FAM120A: variants seen among roughly 807,000 people sequenced by gnomAD.
FAM120A encodes family with sequence similarity 120 member A.
FAM120A carries 15 observed loss-of-function variants against 109.7 expected under a neutral mutation model. The observed-to-expected ratio is 0.14, with a 90% CI of 0.09 to 0.21. The LOEUF (loss-of-function observed/expected upper bound fraction) is 0.21. FAM120A is among the 10% of genes least tolerant of loss of function. The pLI is 1.00. For synonymous variants in FAM120A, 493 were observed against 572.8 expected, an observed-to-expected ratio of 0.86 and a Z score of 1.99; for missense variants, 899 against 1,439.3, an observed-to-expected ratio of 0.62 and a Z score of 6.07.
In FAM120A at chr9:93,539,240, G is replaced by A. The variant is rs1282980721; in HGVS notation, c.1910-3982G>A. Among the ~76,000 whole-genome samples, 12 of 151,938 alleles carry A rather than the reference G, an allele frequency of 7.9e-5. No individual in the cohort carries two copies. In the South Asian group the frequency reaches 1.7e-3, roughly 21 times the overall value. On this transcript the variant is annotated intron_variant, in intron 10 of 17. Coordinates refer to ENST00000277165, the MANE Select transcript of FAM120A (RefSeq NM_014612.5). ...TCTCGATCTCCTGACCTCGTGATCC[G>A]CCCACCTCGACCTCCCAAAGTGCTG...
intron 3 of FAM120A, among the ~76,000 whole-genome samples, chr9:93,490,232 A>G (rs904754123): frequency 7.9e-5 from 12 of 152,202 alleles, no homozygotes; most frequent in African/African-American, 1.2e-4. Flanking sequence ...TGCTTCAGCA[A>G]TGGTACTTTG....
chr9:93,510,719 C>T (rs994888554), intron 5 of FAM120A, among the ~76,000 whole-genome samples: 136 of 151,928 alleles, frequency 9.0e-4, no homozygotes, highest in African/African-American at 3.1e-3. Flanking sequence ...CCCCCAGTGT[C>T]GGGATTGTAG....
chr9:93,463,224 TGAG>T (rs1857872388), intron 1 of FAM120A, among the ~76,000 whole-genome samples: 1 of 152,350 alleles, frequency 6.6e-6, no homozygotes, highest in Admixed American at 6.5e-5. Context: ...CTAATGGGTG[TGAG>T]GTATTCAGTG....
At chr9:93,523,444 C>A in intron 7 of FAM120A, 2 of 487,866 alleles carry the variant, frequency 4.1e-6, no homozygotes, top group Non-Finnish European at 6.5e-6. Context: ...TTGTTCCAGA[C>A]AGATATCCAC....
chr9:93,560,853 ATCTGTT>A (rs763952841), intron 15 of FAM120A, among the ~76,000 whole-genome samples: 3 of 152,244 alleles, frequency 2.0e-5, no homozygotes, highest in Non-Finnish European at 4.4e-5. Flanking sequence ...ACTTTATTGT[ATCTGTT>A]TCTATCTAAA....
rs192611391 is a variant in FAM120A at position 93,546,037 on chromosome 9, C to T, written c.2159+2566C>T. ...CTGACCTCAGGTGATCCACCCACCTCGGCCTCCCAAAGTGCTGGGATTACA... is the reference window on the plus strand; with the variant it reads ...CTGACCTCAGGTGATCCACCCACCTTGGCCTCCCAAAGTGCTGGGATTACA... On this transcript the variant is annotated intron_variant, in intron 11 of 17. Transcript: ENST00000277165. 3.0e-3 allele frequency among the ~76,000 whole-genome samples: 459 copies of T among 151,980 alleles called. 2 individuals are homozygous for T. Among genetic ancestry groups the T allele is most frequent in the African/African-American group, 9.0e-3 (372 of 41,478 alleles).
At chr9:93,525,950 CT>C (rs540998829) in intron 7 of FAM120A, among the ~76,000 whole-genome samples, 6 of 152,122 alleles carry the variant, frequency 3.9e-5, no homozygotes, top group Admixed American at 6.5e-5. Context: ...CTTTTTGCAG[CT>C]TTTTTTCCCC....
At position 93,488,232 on chromosome 9, in the gene FAM120A, G is replaced by T. The variant is rs192611031; in HGVS notation, c.805-9239G>T. 4.9e-3 allele frequency among the ~76,000 whole-genome samples: 740 copies of T among 152,216 alleles called. 8 individuals are homozygous for T. Among genetic ancestry groups the T allele is most frequent in the African/African-American group, 0.017 (707 of 41,528 alleles). On this transcript the variant is annotated intron_variant, in intron 3 of 17. Transcript: ENST00000277165. ...CCCATGTTCTTCTGACTACCATCTT[G>T]TGTTTCCAATGGTAGCTCCTGTCAC...
rs553556207 is a variant in FAM120A at position 93,498,490 on chromosome 9, G to A, written c.934-300G>A. Among the ~76,000 whole-genome samples, 1 of 152,288 alleles carries A rather than the reference G, an allele frequency of 6.6e-6. No homozygotes were observed. Among genetic ancestry groups the A allele is most frequent in the East Asian group, 1.9e-4 (1 of 5,184 alleles). On this transcript the variant is annotated intron_variant, in intron 4 of 17. Coordinates refer to ENST00000277165, the MANE Select transcript of FAM120A (RefSeq NM_014612.5). This position sits in a 1 kb window ranked among gnomAD's most constrained non-coding sequence, Gnocchi z 4.4. ...ACAGATGGCTTGAGATTCCTCTCTG[G>A]GCAGGACCAGAGACCGAGCAGAGTG...
At chr9:93,523,912 T>A (rs1453974961) in intron 7 of FAM120A, among the ~76,000 whole-genome samples, 2 of 152,230 alleles carry the variant, frequency 1.3e-5, no homozygotes, top group Admixed American at 6.5e-5. Flanking sequence ...CTCTTGTAGC[T>A]TCCCTGGTCA....
chr9:93,485,742 G>T (rs771172358), intron 3 of FAM120A, among the ~76,000 whole-genome samples: 2 of 149,834 alleles, frequency 1.3e-5, no homozygotes, highest in Non-Finnish European at 3.0e-5. Flanking sequence ...TGAGACTCTA[G>T]CCCCTGTCAC....
At chr9:93,547,598 C>T (rs1263227714) in intron 11 of FAM120A, among the ~76,000 whole-genome samples, 1 of 152,192 alleles carries the variant, frequency 6.6e-6, no homozygotes, top group Non-Finnish European at 1.5e-5. Flanking sequence ...GGAAGTTAGA[C>T]AACTCCCTGA....
chr9:93,456,889 C>T (rs1281096467), intron 1 of FAM120A, among the ~76,000 whole-genome samples: 1 of 152,182 alleles, frequency 6.6e-6, no homozygotes, highest in Non-Finnish European at 1.5e-5. Context: ...ACTGACAGTA[C>T]ATCTTATTCT....
chr9:93,491,254 CAA>C (rs994292477), intron 3 of FAM120A, among the ~76,000 whole-genome samples: 48 of 152,152 alleles, frequency 3.2e-4, no homozygotes, highest in African/African-American at 1.1e-3. Flanking sequence ...AAAAACAAAA[CAA>C]AGGTTGTCAA....
rs1294322771 is a variant in FAM120A, at chr9:93,564,588, G to C, written c.*48G>C. The C allele has an allele frequency of 6.8e-7, 1 of 1,470,018 alleles. No homozygotes were observed. The highest frequency in any genetic ancestry group is 9.3e-7 in the Non-Finnish European group (1 of 1,078,070). 91.1% of individuals were successfully genotyped at this position (1,470,018 alleles called of 1,614,324 possible). On this transcript the variant is annotated 3_prime_UTR_variant, in exon 18 of 18. Transcript: ENST00000277165. ...AGGATGCTGGAAGGGTAAGGATTTA[G>C]GAATATCTGGAGAGAAAGAGAGCCT... is the stretch of plus-strand genomic sequence containing the variant.
rs367939753 is a variant in FAM120A, at chr9:93,527,164, C to T, written c.1428C>T (p.Ser476=). ...TTCATTTTATGTTTAGCCATATCAGCGGGAACAAGATTGGCTGGGAGAAGA... is the reference window on the plus strand; with the variant it reads ...TTCATTTTATGTTTAGCCATATCAGTGGGAACAAGATTGGCTGGGAGAAGA... ...EGSGGATNHI[S]GNKIGWEKTG... The change falls in exon 8 of 18, where the codon AGC becomes AGT. Residue 476 remains serine (S), a synonymous_variant. Coordinates refer to ENST00000277165, the MANE Select transcript of FAM120A (RefSeq NM_014612.5). The T allele has an allele frequency of 1.4e-5, 22 of 1,613,658 alleles. No homozygotes were observed. Among genetic ancestry groups the T allele is most frequent in the African/African-American group, 8.0e-5 (6 of 74,894 alleles).
chr9:93,527,127 A>G (rs759029698), intron 7 of FAM120A, 28 bp from the exon 8 acceptor site: 2 of 1,595,644 alleles, frequency 1.3e-6, no homozygotes, highest in African/African-American at 1.3e-5. Flanking sequence ...AAGTGATTGG[A>G]CAGTAATCAT....
rs1862289229 is a variant in FAM120A at position 93,556,611 on chromosome 9, G to A, written c.2484+20G>A. ...GGTCAGGTATGCTGCGGGGCCGGGT[G>A]GCTGCCTTTAACTGCAATGAAATAA... is the stretch of plus-strand genomic sequence containing the variant. On this transcript the variant is annotated intron_variant, in intron 13 of 17. Transcript: ENST00000277165. The A allele has an allele frequency of 1.2e-6, 2 of 1,610,864 alleles. No homozygotes were observed. The highest frequency in any genetic ancestry group is 1.3e-5 in the African/African-American group (1 of 74,842).
chr9:93,490,183 C>T (rs1859253136), intron 3 of FAM120A, among the ~76,000 whole-genome samples: 2 of 152,338 alleles, frequency 1.3e-5, no homozygotes, highest in South Asian at 4.1e-4. Context: ...AGTACTTCCC[C>T]TTCACTGTTT....
Sources: allele counts gnomAD v4.1 joint callset (sites outside exome capture counted in the v4.1 genomes callset), GRCh38; gene constraint gnomAD v4.1.1; non-coding constraint Gnocchi (gnomAD v3.1); transcripts MANE v1.5; gene names NCBI Gene and HGNC (gene_info 2026-07-23, HGNC 2026-07-21).